GRAMD1B: variants seen among roughly 807,000 people sequenced by gnomAD.
GRAMD1B encodes the protein GRAM domain containing 1B.
Under a neutral mutation model 99.7 loss-of-function variants are expected in GRAMD1B, and 37 were observed. The observed-to-expected ratio is 0.37, with a 90% CI of 0.29 to 0.49. GRAMD1B has a LOEUF of 0.49. Among genes scored for constraint, GRAMD1B ranks in the 20% least tolerant of loss-of-function variants. GRAMD1B has a pLI of 0.98. For synonymous variants in GRAMD1B, 427 were observed against 387.6 expected, an observed-to-expected ratio of 1.10 and a Z score of -1.19; for missense variants, 888 against 1,009.2, an observed-to-expected ratio of 0.88 and a Z score of 1.63.
intron 4 of GRAMD1B, among the ~76,000 whole-genome samples, chr11:123,585,827 CCT>C (rs1950013730): frequency 1.3e-5 from 2 of 152,292 alleles, no homozygotes; most frequent in Admixed American, 6.5e-5. Flanking sequence ...CAGGCCAGCC[CCT>C]GTCCTTGTTG....
At chr11:123,576,928 C>T (rs1948767597) in intron 2 of GRAMD1B, among the ~76,000 whole-genome samples, 1 of 152,202 alleles carries the variant, frequency 6.6e-6, no homozygotes, top group Non-Finnish European at 1.5e-5. Context: ...TTGTTATTTT[C>T]ATGAACAAAA....
chr11:123,572,690 A>T (rs1467103925), intron 2 of GRAMD1B, among the ~76,000 whole-genome samples: 2 of 152,304 alleles, frequency 1.3e-5, no homozygotes, highest in Admixed American at 6.5e-5. Flanking sequence ...AGAGAGAGAG[A>T]GAGAGATTGC....
Position 123,524,615 on chromosome 11 carries a change from C to T in GRAMD1B, c.452+43722C>T, listed in dbSNP as rs150778687. Among the ~76,000 whole-genome samples the T allele has an allele frequency of 1.8e-3, 273 of 152,312 alleles. 1 individual carries two copies. Among genetic ancestry groups the T allele is most frequent in the African/African-American group, 6.3e-3 (262 of 41,570 alleles). On this transcript the variant is annotated intron_variant, in intron 2 of 19. Coordinates refer to ENST00000635736, the MANE Select transcript of GRAMD1B (RefSeq NM_001387025.1). ...TTGGGCTCCCAAAGTGCTGGGATTACAGGCATGAGCCACTGTGCGTGACCA... is the reference window on the plus strand; with the variant it reads ...TTGGGCTCCCAAAGTGCTGGGATTATAGGCATGAGCCACTGTGCGTGACCA...
chr11:123,609,091 C>A (rs1157847706), intron 12 of GRAMD1B, among the ~76,000 whole-genome samples: 1 of 152,142 alleles, frequency 6.6e-6, no homozygotes, highest in East Asian at 1.9e-4. Flanking sequence ...ACAGGGCTCA[C>A]CATCTAGTAA....
At chr11:123,548,619 AAT>A (rs58404901) in intron 2 of GRAMD1B, among the ~76,000 whole-genome samples, 1 of 150,656 alleles carries the variant, frequency 6.6e-6, no homozygotes, top group Non-Finnish European at 1.5e-5. Flanking sequence ...GCTTGAAATG[AAT>A]ATATATATAT....
intron 1 of GRAMD1B, among the ~76,000 whole-genome samples, chr11:123,377,961 T>C (rs763647172): frequency 2.0e-5 from 3 of 152,212 alleles, no homozygotes; most frequent in Non-Finnish European, 4.4e-5. Flanking sequence ...AGACTGAGTA[T>C]GGAAAGGTGC....
chr11:123,387,169 G>A (rs1048548121), intron 1 of GRAMD1B, among the ~76,000 whole-genome samples: 1 of 152,294 alleles, frequency 6.6e-6, no homozygotes, highest in South Asian at 2.1e-4. Context: ...CCAGGTCAGG[G>A]AGTGCAAAGC....
At chr11:123,540,519 A>G (rs1418956378) in intron 2 of GRAMD1B, among the ~76,000 whole-genome samples, 1 of 152,184 alleles carries the variant, frequency 6.6e-6, no homozygotes, top group African/African-American at 2.4e-5. Flanking sequence ...GAGTTCTCTT[A>G]CATATGTCTT....
intron 3 of GRAMD1B, among the ~76,000 whole-genome samples, chr11:123,583,114 A>G (rs1176347553): frequency 1.3e-5 from 2 of 151,206 alleles, no homozygotes; most frequent in East Asian, 2.0e-4. Flanking sequence ...ATGTGTGTGT[A>G]TATGTGTGGT....
chr11:123,405,886 G>T (rs1387628699), intron 1 of GRAMD1B, among the ~76,000 whole-genome samples: 5 of 152,178 alleles, frequency 3.3e-5, no homozygotes, highest in African/African-American at 9.7e-5. Context: ...TTTACATGGA[G>T]AAGGTGAGTG....
In GRAMD1B at chr11:123,603,407, T is replaced by C; in HGVS notation, c.1051-19T>C. 6.8e-7 allele frequency: 1 copy of C among 1,472,950 alleles called. No homozygotes were observed. The highest frequency in any genetic ancestry group is 1.1e-5 in the South Asian group (1 of 88,138). The allele number at this position is 1,472,950 out of a possible 1,614,324, so 91.2% of individuals were successfully genotyped here. A position where few individuals can be genotyped will look rare whatever the true frequency, so the allele number is the denominator to read the frequency against. On this transcript the variant is annotated intron_variant, in intron 8 of 19. Coordinates refer to ENST00000635736, the MANE Select transcript of GRAMD1B (RefSeq NM_001387025.1). Reference sequence around the variant, plus strand: ...GACCTGAGGGAGCAAGGCTCAGTCGTTCCTTTTCTCCCCTGAAGCCTCTGT... The same window carrying C: ...GACCTGAGGGAGCAAGGCTCAGTCGCTCCTTTTCTCCCCTGAAGCCTCTGT...
intron 2 of GRAMD1B, among the ~76,000 whole-genome samples, chr11:123,513,005 G>A (rs1308940915): frequency 5.9e-5 from 9 of 152,124 alleles, no homozygotes; most frequent in South Asian, 2.1e-4. Flanking sequence ...CAAAGCCCAG[G>A]TACAAGAGGA....
chr11:123,526,687 A>G (rs1005441093), intron 2 of GRAMD1B, among the ~76,000 whole-genome samples: 5 of 151,994 alleles, frequency 3.3e-5, no homozygotes, highest in African/African-American at 1.2e-4. Context: ...ATCTTCTAGG[A>G]TGCCTGGTGT....
chr11:123,491,108 G>A (rs1938506594), intron 2 of GRAMD1B, among the ~76,000 whole-genome samples: 1 of 152,116 alleles, frequency 6.6e-6, no homozygotes, highest in Non-Finnish European at 1.5e-5. Context: ...TGAGGTGGGT[G>A]GATCACCTGA....
intron 2 of GRAMD1B, among the ~76,000 whole-genome samples, chr11:123,545,090 T>C (rs1944924409): frequency 6.6e-6 from 1 of 152,114 alleles, no homozygotes; most frequent in South Asian, 2.1e-4. Flanking sequence ...TCACCGAGGC[T>C]AAGGGACAGA....
In GRAMD1B at chr11:123,618,789, G is replaced by A. The variant is rs947730358; in HGVS notation, c.2415G>A (p.Arg805=). ...TQTLTAWQGL[R]LQERLPQSQT... ...CCCTCACTGCCTGGCAGGGTCTAAG[G>A]CTCCAAGAAAGGTAATCCTGGCCTC... The change falls in exon 18 of 20, where the codon AGG becomes AGA. Residue 805 remains arginine, a synonymous_variant. Coordinates refer to ENST00000635736, the MANE Select transcript of GRAMD1B (RefSeq NM_001387025.1). The A allele has an allele frequency of 6.5e-7, 1 of 1,544,048 alleles. No individual in the cohort carries two copies. Among genetic ancestry groups the A allele is most frequent in the East Asian group, 2.4e-5 (1 of 42,550 alleles).
chr11:123,394,821 G>C (rs113985910), intron 1 of GRAMD1B, among the ~76,000 whole-genome samples: 2 of 152,288 alleles, frequency 1.3e-5, no homozygotes, highest in African/African-American at 4.8e-5. Flanking sequence ...TTTGGTAAGG[G>C]CTTGGTCTCT....
intron 2 of GRAMD1B, among the ~76,000 whole-genome samples, chr11:123,547,300 A>G (rs1462281139): frequency 6.6e-6 from 1 of 152,226 alleles, no homozygotes; most frequent in East Asian, 1.9e-4. Context: ...GGTGGTTTCC[A>G]GTACAAAAAT....
At chr11:123,447,216 C>T (rs1370288585) in intron 1 of GRAMD1B, among the ~76,000 whole-genome samples, 1 of 152,172 alleles carries the variant, frequency 6.6e-6, no homozygotes, top group Non-Finnish European at 1.5e-5. Flanking sequence ...ACTCAGCTGC[C>T]ACCTGTCAGC....
Sources: allele counts gnomAD v4.1 joint callset (sites outside exome capture counted in the v4.1 genomes callset), GRCh38; gene constraint gnomAD v4.1.1; transcripts MANE v1.5; gene names NCBI Gene and HGNC (gene_info 2026-07-23, HGNC 2026-07-21).